Variants in APPL2 observed in about 807,000 individuals in gnomAD.
APPL2 encodes the protein adaptor protein, phosphotyrosine interacting with PH domain and leucine zipper 2.
In APPL2, 84 loss-of-function variants were observed where a neutral mutation model predicts 92.7. The ratio of observed to expected loss-of-function variants is 0.91; its 90% CI spans 0.76 to 1.09. APPL2 has a LOEUF of 1.09. Ranked by LOEUF, APPL2 falls within the 50% of genes least tolerant of loss-of-function variation. The probability of loss-of-function intolerance (pLI) is 0.00; values close to 1 mark genes in which losing one functional copy is unlikely to be tolerated. For missense variants in APPL2, 736 were observed against 824.5 expected, an observed-to-expected ratio of 0.89 and a Z score of 1.31; for synonymous variants, 291 against 291.0, an observed-to-expected ratio of 1.00 and a Z score of 0.00.
chr12:105,212,359 C>CT (rs1042707593), intron 4 of APPL2, among the ~76,000 whole-genome samples: 1 of 152,144 alleles, frequency 6.6e-6, no homozygotes, highest in African/African-American at 2.4e-5. Flanking sequence ...TTTTTGAGTA[C>CT]TTTTTGCATG....
chr12:105,224,344 G>A (rs1380244486), intron 2 of APPL2, among the ~76,000 whole-genome samples: 1 of 152,180 alleles, frequency 6.6e-6, no homozygotes, highest in Non-Finnish European at 1.5e-5. Context: ...ATACAAAAAG[G>A]AACTGGGTCC....
rs781375212 is a variant in APPL2, at chr12:105,189,995, T to A, written c.1402A>T (p.Ser468Cys). 1 of 1,614,038 alleles carries A rather than the reference T, an allele frequency of 6.2e-7. No individual in the cohort carries two copies. Among genetic ancestry groups the A allele is most frequent in the Admixed American group, 1.7e-5 (1 of 59,988 alleles). Residue 468 changes from serine to cysteine, a missense_variant, in exon 15 of 21, where the codon AGC becomes TGC. By Grantham distance (112) the Ser-to-Cys change is moderately radical. Coordinates refer to ENST00000258530, the MANE Select transcript of APPL2 (RefSeq NM_018171.5). Reference protein sequence around the residue: ...ATEFLDQNRGSRRTNPFGETE... With the variant: ...ATEFLDQNRGCRRTNPFGETE... ...ATAACCTCTCTCAGCCCATACCTGCTCCCTCTGTTCTGATCAAGGAATTCT... is the reference window on the plus strand; with the variant it reads ...ATAACCTCTCTCAGCCCATACCTGCACCCTCTGTTCTGATCAAGGAATTCT...
intron 4 of APPL2, among the ~76,000 whole-genome samples, chr12:105,213,385 T>C (rs760164542): frequency 6.6e-6 from 1 of 152,144 alleles, no homozygotes; most frequent in South Asian, 2.1e-4. Context: ...CATCACCATA[T>C]AGAAAATGGG....
chr12:105,228,888 G>C (rs1273839008), intron 2 of APPL2, among the ~76,000 whole-genome samples: 1 of 152,158 alleles, frequency 6.6e-6, no homozygotes, highest in East Asian at 1.9e-4. Context: ...AAAAAATTAG[G>C]AGCAGTTATG....
chr12:105,197,704 C>G (rs1442285942), intron 11 of APPL2, 61 bp downstream of exon 11: 1 of 1,595,960 alleles, frequency 6.3e-7, no homozygotes, highest in African/African-American at 1.3e-5. Context: ...ACTAGGAGGC[C>G]CTTGGAACGG....
chr12:105,186,667 T>TG (rs1886706749), intron 17 of APPL2, among the ~76,000 whole-genome samples: 4 of 33,122 alleles, frequency 1.2e-4, no homozygotes, highest in African/African-American at 2.0e-4. Flanking sequence ...ATATATATCA[T>TG]ATATATGATA....
intron 18 of APPL2, 50 bp downstream of exon 18, chr12:105,177,176 A>G: frequency 1.2e-6 from 2 of 1,605,526 alleles, no homozygotes; most frequent in South Asian, 1.1e-5. Context: ...GGTAGATACA[A>G]AGGTGAATTA....
chr12:105,186,660 T>TATATGATATATATGATATCG (rs1566056314), intron 17 of APPL2, among the ~76,000 whole-genome samples: 3,316 of 91,622 alleles, frequency 0.036, 64 homozygotes, highest in African/African-American at 0.16. Context: ...CGATATCATA[T>TATATGATATATATGATATCG]ATATCATATA....
chr12:105,177,523 CCAAA>C (rs1426412481), intron 17 of APPL2: 3 of 504,258 alleles, frequency 5.9e-6, no homozygotes, highest in South Asian at 2.3e-5. Context: ...TGCAACTTAC[CCAAA>C]CAGACAGCAT....
intron 13 of APPL2, 45 bp from the exon 14 acceptor site, chr12:105,195,394 C>G: frequency 6.2e-7 from 1 of 1,614,138 alleles, no homozygotes; most frequent in East Asian, 2.2e-5. Context: ...GAGGTGGACG[C>G]TTACCTTCCA....
chr12:105,206,569 TA>T (rs1888717677), intron 8 of APPL2, among the ~76,000 whole-genome samples: 3 of 152,174 alleles, frequency 2.0e-5, no homozygotes, highest in Non-Finnish European at 4.4e-5. Context: ...ACCCAATAAG[TA>T]AAGGAGACCT....
At chr12:105,201,872 C>G (rs977912114) in intron 9 of APPL2, among the ~76,000 whole-genome samples, 2 of 152,168 alleles carry the variant, frequency 1.3e-5, no homozygotes, top group Non-Finnish European at 2.9e-5. Flanking sequence ...ATTCCCACCA[C>G]TGGGTTCTGA....
At chr12:105,206,360 G>A (rs750337331) in intron 8 of APPL2, among the ~76,000 whole-genome samples, 3 of 152,046 alleles carry the variant, frequency 2.0e-5, no homozygotes, top group Non-Finnish European at 2.9e-5. Flanking sequence ...CTTTCTCACG[G>A]GCCAAAGGAT....
intron 19 of APPL2, 75 bp downstream of exon 19, chr12:105,176,785 CTAAATATCCAAGGAAG>C: frequency 6.7e-7 from 1 of 1,486,682 alleles, no homozygotes. Flanking sequence ...GAATAATCAA[CTAAATATCCAAGGAAG>C]TAATGCCAGA....
chr12:105,191,376 T>C lies in APPL2; in HGVS notation c.1242-1221A>G, dbSNP rs569283606. On this transcript the variant is annotated intron_variant, in intron 14 of 20. Coordinates refer to ENST00000258530, the MANE Select transcript of APPL2 (RefSeq NM_018171.5). Reference sequence around the variant, plus strand: ...TCTCCAGGATGTCATACTGCTTCAATAACCCTAAATGGGACAGTCACATCT... The same window carrying C: ...TCTCCAGGATGTCATACTGCTTCAACAACCCTAAATGGGACAGTCACATCT... 2.6e-5 allele frequency among the ~76,000 whole-genome samples: 4 copies of C among 152,338 alleles called. No homozygotes were observed. The South Asian group carries it at 8.3e-4, about 32-fold the overall frequency.
chr12:105,177,566 T>C, intron 17 of APPL2: 1 of 381,184 alleles, frequency 2.6e-6, no homozygotes, highest in Non-Finnish European at 4.9e-6. Context: ...TGCTATATAA[T>C]ATGGATGGAT....
chr12:105,227,743 T>G (rs755650859), intron 2 of APPL2, among the ~76,000 whole-genome samples: 3 of 152,090 alleles, frequency 2.0e-5, no homozygotes, highest in Non-Finnish European at 2.9e-5. Context: ...TGCCATGAAT[T>G]AAATGGGTGC....
At chr12:105,186,485 T>C (rs1283680156) in intron 17 of APPL2, among the ~76,000 whole-genome samples, 2 of 151,998 alleles carry the variant, frequency 1.3e-5, no homozygotes, top group East Asian at 1.9e-4. Flanking sequence ...TTTAATTCTT[T>C]TGGGTAACTA....
intron 1 of APPL2, among the ~76,000 whole-genome samples, chr12:105,232,224 A>T (rs60294187): frequency 0.021 from 3,172 of 152,296 alleles, 93 homozygotes; most frequent in African/African-American, 0.059. Flanking sequence ...CAGATTCAGG[A>T]GTGGAATTCC....
Sources: gnomAD v4.1 joint callset for allele counts (sites outside exome capture counted in the v4.1 genomes callset) on GRCh38, gnomAD v4.1.1 for gene constraint, MANE v1.5 for transcripts, NCBI Gene and HGNC (gene_info 2026-07-23, HGNC 2026-07-21) for gene names.